Variants in CRACD observed in about 807,000 individuals in gnomAD.
The protein encoded by CRACD is capping protein-inhibiting regulator of actin dynamics.
CRACD carries 56 observed loss-of-function variants against 106.8 expected under a neutral mutation model. The observed-to-expected ratio is 0.52, with a 90% CI of 0.42 to 0.66. The LOEUF (loss-of-function observed/expected upper bound fraction) is 0.66. Ranked by LOEUF, CRACD falls within the 30% of genes least tolerant of loss-of-function variation. The pLI, the probability that CRACD is intolerant of heterozygous loss-of-function variation, is 0.00. For missense variants in CRACD, 1,730 were observed against 1,623.2 expected, an observed-to-expected ratio of 1.07 and a Z score of -1.13; for synonymous variants, 754 against 670.8, an observed-to-expected ratio of 1.12 and a Z score of -1.92.
chr4:56,212,120 G>T (rs1738440923), intron 2 of CRACD, among the ~76,000 whole-genome samples: 1 of 152,170 alleles, frequency 6.6e-6, no homozygotes, highest in South Asian at 2.1e-4. Context: ...GCCAAAACCT[G>T]CCAGAACCAA....
intron 3 of CRACD, among the ~76,000 whole-genome samples, chr4:56,279,767 A>G (rs1742912384): frequency 6.6e-6 from 1 of 152,160 alleles, no homozygotes. Context: ...CTAGAATACC[A>G]TTTGACCCAG....
At chr4:56,061,017 T>C (rs563029320) in intron 1 of CRACD, among the ~76,000 whole-genome samples, 8 of 152,270 alleles carry the variant, frequency 5.3e-5, no homozygotes, top group African/African-American at 1.9e-4. Context: ...GCAGCCCGTA[T>C]AAACTAAGAC....
intron 2 of CRACD, among the ~76,000 whole-genome samples, chr4:56,253,497 C>T (rs1055888564): frequency 3.3e-5 from 5 of 152,080 alleles, no homozygotes; most frequent in Non-Finnish European, 5.9e-5. Context: ...TTTAAGACTC[C>T]AGGGTTTGTT....
intron 2 of CRACD, among the ~76,000 whole-genome samples, chr4:56,271,920 AT>A (rs1163060187): frequency 6.6e-6 from 1 of 151,936 alleles, no homozygotes; most frequent in African/African-American, 2.4e-5. Context: ...ATTTTCTTAT[AT>A]TTTATAGAGA....
intron 2 of CRACD, among the ~76,000 whole-genome samples, chr4:56,237,377 A>G (rs1740040276): frequency 1.3e-5 from 2 of 152,206 alleles, no homozygotes; most frequent in African/African-American, 4.8e-5. Context: ...TGATTAATCT[A>G]GCTTTTTATA....
At chr4:56,098,867 G>A (rs138781484) in intron 1 of CRACD, among the ~76,000 whole-genome samples, 3,622 of 152,226 alleles carry the variant, frequency 0.024, 60 homozygotes, top group Admixed American at 0.056. Flanking sequence ...TAGAGATGTG[G>A]TTTCACCATA....
chr4:56,187,842 C>T (rs977735866), intron 2 of CRACD, among the ~76,000 whole-genome samples: 12 of 152,188 alleles, frequency 7.9e-5, no homozygotes, highest in East Asian at 1.9e-4. Context: ...TCTGCTCCCA[C>T]GGAGACCAAA....
At chr4:56,077,359 C>T (rs1181028882) in intron 1 of CRACD, among the ~76,000 whole-genome samples, 2 of 152,174 alleles carry the variant, frequency 1.3e-5, no homozygotes, top group African/African-American at 2.4e-5. Context: ...ATGGGTCCCT[C>T]CCATGATATG....
At chr4:56,084,383 A>C (rs1215578476) in intron 1 of CRACD, among the ~76,000 whole-genome samples, 4 of 152,178 alleles carry the variant, frequency 2.6e-5, no homozygotes, top group Non-Finnish European at 5.9e-5. Flanking sequence ...CAATAAAGAC[A>C]CTGAACCTGG....
intron 2 of CRACD, 23 bp downstream of exon 2, chr4:56,179,453 G>A (rs1736719871): frequency 6.6e-6 from 1 of 152,150 alleles, no homozygotes; most frequent in African/African-American, 2.4e-5. Context: ...TGTAGAGTAT[G>A]GAGAGGGAAG....
intron 2 of CRACD, among the ~76,000 whole-genome samples, chr4:56,253,256 G>C (rs1741151219): frequency 6.6e-6 from 1 of 152,114 alleles, no homozygotes; most frequent in Non-Finnish European, 1.5e-5. Flanking sequence ...GCAAAATTTG[G>C]CAAACAGACC....
intron 2 of CRACD, among the ~76,000 whole-genome samples, chr4:56,233,239 C>A (rs1490018155): frequency 6.6e-6 from 1 of 152,036 alleles, no homozygotes; most frequent in Non-Finnish European, 1.5e-5. Context: ...TAATTTCAGT[C>A]TCTTAAAAGT....
At chr4:56,272,262 T>G (rs1264357241) in intron 2 of CRACD, 59 bp from the exon 3 acceptor site, 1 of 153,632 alleles carries the variant, frequency 6.5e-6, no homozygotes, top group Non-Finnish European at 1.5e-5. Flanking sequence ...AATTTGCTCC[T>G]TAGGCTTGGA....
intron 8 of CRACD, among the ~76,000 whole-genome samples, chr4:56,320,546 G>A (rs1282268724): frequency 3.3e-5 from 5 of 152,102 alleles, no homozygotes; most frequent in Admixed American, 6.5e-5. Context: ...TATTTGCATC[G>A]TCTCCTTCGG....
intron 2 of CRACD, among the ~76,000 whole-genome samples, chr4:56,240,699 G>A (rs1329057710): frequency 6.6e-6 from 1 of 152,104 alleles, no homozygotes; most frequent in Non-Finnish European, 1.5e-5. Context: ...GGATCTTGCT[G>A]TATTGCCCAG....
chr4:56,092,984 G>A (rs1307632284), intron 1 of CRACD, among the ~76,000 whole-genome samples: 1 of 152,142 alleles, frequency 6.6e-6, no homozygotes. Flanking sequence ...GTTTCTGTTG[G>A]ACATCACTAA....
intron 1 of CRACD, among the ~76,000 whole-genome samples, chr4:56,152,410 G>A (rs1735613701): frequency 6.6e-6 from 1 of 151,614 alleles, no homozygotes; most frequent in African/African-American, 2.4e-5. Context: ...GAGTCATGAG[G>A]ATTACTTGAG....
intron 2 of CRACD, among the ~76,000 whole-genome samples, chr4:56,257,256 A>G (rs1427577854): frequency 6.6e-6 from 1 of 151,742 alleles, no homozygotes. Flanking sequence ...TAATTCTTAT[A>G]TTTTTAGTAG....
At position 56,269,896 on chromosome 4, in the gene CRACD, G is replaced by A. The variant is rs1742249014; in HGVS notation, c.-188-2425G>A. Among the ~76,000 whole-genome samples the A allele has an allele frequency of 3.3e-5, 5 of 152,078 alleles. No homozygotes were observed. In the South Asian group the frequency reaches 8.3e-4, roughly 25 times the overall value. On this transcript the variant is annotated intron_variant, in intron 2 of 10. Coordinates refer to ENST00000682029, the MANE Select transcript of CRACD (RefSeq NM_001393381.1). Reference sequence around the variant, plus strand: ...TACAATTCAACATGAGATGTAGAGGGAACAACATCCAAACTATATCACACA... The same window carrying A: ...TACAATTCAACATGAGATGTAGAGGAAACAACATCCAAACTATATCACACA...
Sources: allele counts gnomAD v4.1 joint callset (sites outside exome capture counted in the v4.1 genomes callset), GRCh38; gene constraint gnomAD v4.1.1; transcripts MANE v1.5; gene names NCBI Gene and HGNC (gene_info 2026-07-23, HGNC 2026-07-21).